The following P3H4 variants were observed in gnomAD, a reference collection of about 807,000 sequenced individuals.
P3H4 encodes the protein endoplasmic reticulum protein SC65.
In P3H4, 47 loss-of-function variants were observed where a neutral mutation model predicts 52.9. The ratio of observed to expected loss-of-function variants is 0.89; its 90% CI spans 0.70 to 1.13. P3H4 has a LOEUF of 1.13. Ranked by LOEUF, P3H4 falls within the 50% of genes most tolerant of loss-of-function variation. The pLI, the probability that P3H4 is intolerant of heterozygous loss-of-function variation, is 0.00. For missense variants in P3H4, 585 were observed against 611.0 expected (o/e 0.96, Z 0.45); for synonymous variants, 256 against 267.9 (o/e 0.96, Z 0.44).
At chr17:41,806,732 G>GC in intron 6 of P3H4, 64 bp downstream of exon 6, 1 of 1,366,838 alleles carries the variant, frequency 7.3e-7, no homozygotes, top group Non-Finnish European at 1.0e-6. Context: ...CACACTGGTG[G>GC]CCCCAGGAAA....
Position 41,810,869 on chromosome 17 carries a change from T to C in P3H4, c.781A>G (p.Ile261Val). ...QVDFKDFYPA[I>V]ADLFAESLQC... ...TGGTCTGGGTGGCAGATACCTGCTA[T>C]GGCCGGGTAGAAGTCCTTGAAGTCC... The change falls in exon 3 of 8, where the codon ATA (isoleucine) becomes GTA (valine). Residue 261 changes from isoleucine to valine, a missense_variant. Transcript: ENST00000393928. 6.2e-7 allele frequency: 1 copy of C among 1,613,108 alleles called. No homozygotes were observed.
chr17:41,804,374 CCAG>C (rs1414299423), intron 6 of P3H4, among the ~76,000 whole-genome samples: 1 of 152,074 alleles, frequency 6.6e-6, no homozygotes, highest in African/African-American at 2.4e-5. Flanking sequence ...ACCTGTAATC[CCAG>C]CACTTTGGGA....
At position 41,811,016 on chromosome 17, in the gene P3H4, C is replaced by G. The variant is rs149794758; in HGVS notation, c.634G>C (p.Val212Leu). The G allele has an allele frequency of 2.5e-6, 4 of 1,613,888 alleles. No homozygotes were observed. The Admixed American group carries it at 6.7e-5, about 27-fold the overall frequency. ...QPYEAVFLRA[V>L]KLYNSGDFRS... The stretch of plus-strand genomic sequence containing the variant: ...AAATCCCCGCTGTTGTAGAGCTTCA[C>G]AGCCCGGAGGAACACGGCCTGGAAG... The change falls in exon 3 of 8, where the codon GTG becomes CTG. Residue 212 changes from valine to leucine, a missense_variant. Physicochemically the swap from Val to Leu is conservative, Grantham distance 32. Transcript: ENST00000393928. The surrounding 1 kb of genome is among the most constrained non-coding windows in gnomAD (Gnocchi z 4.8).
In P3H4 at chr17:41,811,729, G is replaced by A; in HGVS notation, c.187C>T (p.Leu63=). The A allele has an allele frequency of 1.3e-6, 2 of 1,510,596 alleles. No homozygotes were observed. Among genetic ancestry groups the A allele is most frequent in the Non-Finnish European group, 1.8e-6 (2 of 1,141,434 alleles). 93.6% of individuals were successfully genotyped at this position (1,510,596 alleles called of 1,614,324 possible). A position where few individuals can be genotyped will look rare whatever the true frequency, so the allele number is the denominator to read the frequency against. ...RESARYLEAA[L]RLHRLLRDSE... ...TCGCGCAGGAGCCGGTGCAGCCGCA[G>A]CGCCGCCTCCAGGTAGCGCGCGCTC... The change falls in exon 1 of 8, where the codon CTG becomes TTG. Residue 63 remains leucine, a synonymous_variant. Transcript: ENST00000393928. The surrounding 1 kb of genome is among the most constrained non-coding windows in gnomAD (Gnocchi z 4.8).
intron 6 of P3H4, among the ~76,000 whole-genome samples, chr17:41,803,660 A>T (rs1252728738): frequency 1.3e-5 from 2 of 152,076 alleles, no homozygotes; most frequent in Non-Finnish European, 2.9e-5. Flanking sequence ...CAGCATAAAC[A>T]TCGCCCCTGC....
In P3H4 at chr17:41,807,897, G is replaced by A. The variant is rs561408227; in HGVS notation, c.1024C>T (p.Arg342Cys). ...AAGTCCTCCTCTTCCAGGCCCCAGCGAGCCCGGTGGAACCGGTAATACACC... is the reference window on the plus strand; with the variant it reads ...AAGTCCTCCTCTTCCAGGCCCCAGCAAGCCCGGTGGAACCGGTAATACACC... ...NLVYYRFHRA[R>C]WGLEEEDFQP... The change falls in exon 5 of 8, where the codon CGC (arginine) becomes TGC (cysteine). Residue 342 changes from arginine (R) to cysteine (C), a missense_variant. Physicochemically the swap from Arg to Cys is radical, Grantham distance 180 (BLOSUM62 -3). Transcript: ENST00000393928. The A allele has an allele frequency of 2.5e-6, 4 of 1,614,020 alleles. No homozygotes were observed. Among genetic ancestry groups the A allele is most frequent in the East Asian group, 4.5e-5 (2 of 44,874 alleles).
intron 4 of P3H4, 94 bp from the exon 5 acceptor site, chr17:41,808,098 C>T (rs2047693522): frequency 2.0e-6 from 3 of 1,478,126 alleles, no homozygotes; most frequent in Non-Finnish European, 2.7e-6. Context: ...GCTACCCAGC[C>T]ACCTCCCAGA....
At chr17:41,808,096 G>T in intron 4 of P3H4, 92 bp from the exon 5 acceptor site, 1 of 1,478,824 alleles carries the variant, frequency 6.8e-7, no homozygotes, top group East Asian at 2.4e-5. Flanking sequence ...CTGCTACCCA[G>T]CCACCTCCCA....
intron 6 of P3H4, among the ~76,000 whole-genome samples, chr17:41,805,880 C>A (rs188161022): frequency 3.6e-4 from 55 of 152,200 alleles, no homozygotes; most frequent in Middle Eastern, 3.4e-3. Context: ...GAGCACTGAG[C>A]AGCAACACCT....
At chr17:41,805,987 G>A (rs1567848027) in intron 6 of P3H4, among the ~76,000 whole-genome samples, 1 of 152,266 alleles carries the variant, frequency 6.6e-6, no homozygotes, top group South Asian at 2.1e-4. Flanking sequence ...TTGGGAGACC[G>A]AGGCAGATAG....
At position 41,806,772 on chromosome 17, in the gene P3H4, T is replaced by A. The variant is rs183607101; in HGVS notation, c.1146+24A>T. 31 of 1,604,282 alleles carry A rather than the reference T, an allele frequency of 1.9e-5. No homozygotes were observed. In the East Asian group the frequency reaches 5.8e-4, roughly 30 times the overall value. ...CCAAGGTGTCCCCATCACAGCCCAA[T>A]CCTGGAAAGCAGGAGGCACTCACCT... On this transcript the variant is annotated intron_variant, in intron 6 of 7. Transcript: ENST00000393928.
intron 4 of P3H4, among the ~76,000 whole-genome samples, chr17:41,809,342 G>A (rs928684491): frequency 1.2e-4 from 19 of 152,290 alleles, no homozygotes; most frequent in Non-Finnish European, 2.2e-4. Context: ...CTTGAATCCG[G>A]GAGGCAGCGG....
At position 41,802,848 on chromosome 17, in the gene P3H4, G is replaced by T; in HGVS notation, c.*109C>A. The stretch of plus-strand genomic sequence containing the variant: ...ATTACAGGTGTGAGCCACCGCACCT[G>T]GCCCATCTTAAGTTTTTAATAAATA... On this transcript the variant is annotated 3_prime_UTR_variant, in exon 8 of 8. Transcript: ENST00000393928. 1.7e-6 allele frequency: 2 copies of T among 1,183,120 alleles called. No individual in the cohort carries two copies. Among genetic ancestry groups the T allele is most frequent in the Non-Finnish European group, 2.5e-6 (2 of 809,596 alleles). The allele number at this position is 1,183,120 out of a possible 1,614,324, so 73.3% of individuals were successfully genotyped here.
In P3H4 at chr17:41,811,308, G is replaced by T. The variant is rs369577903; in HGVS notation, c.463-24C>A. ...GCCTGGTCGGGGGGTAGGGGGTGGG[G>T]GAGCGGGTCAGCAAGACCGGAGCTC... On this transcript the variant is annotated intron_variant, in intron 1 of 7. Coordinates refer to ENST00000393928, the MANE Select transcript of P3H4 (RefSeq NM_006455.3). The surrounding 1 kb of genome is among the most constrained non-coding windows in gnomAD (Gnocchi z 4.8). The T allele has an allele frequency of 1.7e-5, 27 of 1,611,214 alleles. No homozygotes were observed. The highest frequency in any genetic ancestry group is 2.0e-5 in the Non-Finnish European group (24 of 1,179,732).
Position 41,803,415 on chromosome 17 carries a change from G to A in P3H4, c.1163C>T (p.Thr388Ile). The change falls in exon 7 of 8, where the codon ACA becomes ATA. Residue 388 changes from threonine to isoleucine, a missense_variant. Coordinates refer to ENST00000393928, the MANE Select transcript of P3H4 (RefSeq NM_006455.3). ...QSDDEMELEE[T>I]EPPLEPEDAL... ...ATCCTCAGGCTCCAGGGGCGGTTCT[G>A]TCTCCTCCAGCTCCATCTAGAGTAG... 2 of 1,613,790 alleles carry A rather than the reference G, an allele frequency of 1.2e-6. No individual in the cohort carries two copies. Among genetic ancestry groups the A allele is most frequent in the Non-Finnish European group, 8.5e-7 (1 of 1,179,870 alleles).
At position 41,803,451 on chromosome 17, in the gene P3H4, G is replaced by A; in HGVS notation, c.1147-20C>T. On this transcript the variant is annotated intron_variant, in intron 6 of 7. Coordinates refer to ENST00000393928, the MANE Select transcript of P3H4 (RefSeq NM_006455.3). ...CTCCATCTAGAGTAGCGCCACGGTT[G>A]TGGGAGAAACCGGGTCACAGTACGC... 1.9e-6 allele frequency: 3 copies of A among 1,611,958 alleles called. No individual in the cohort carries two copies. Among genetic ancestry groups the A allele is most frequent in the Non-Finnish European group, 1.7e-6 (2 of 1,178,850 alleles).
intron 3 of P3H4, among the ~76,000 whole-genome samples, chr17:41,810,062 C>T (rs1485699130): frequency 6.6e-6 from 1 of 151,954 alleles, no homozygotes; most frequent in African/African-American, 2.4e-5. Flanking sequence ...ACCACCCCTG[C>T]CACTCAACCA....
rs782780294 is a variant in P3H4, at chr17:41,811,631, G to A, written c.285C>T (p.Arg95=). ...PAAKPDPDGG[R]ADEWACELRL... is the part of the protein sequence containing the mutation. ...GCAGCTCGCAGGCCCACTCGTCTGCGCGGCCGCCGTCGGGATCGGGCTTGG... is the reference window on the plus strand; with the variant it reads ...GCAGCTCGCAGGCCCACTCGTCTGCACGGCCGCCGTCGGGATCGGGCTTGG... The change falls in exon 1 of 8, where the codon CGC becomes CGT. Residue 95 remains arginine, a synonymous_variant. Transcript: ENST00000393928. The surrounding 1 kb of genome is among the most constrained non-coding windows in gnomAD (Gnocchi z 4.8). 2 of 1,466,324 alleles carry A rather than the reference G, an allele frequency of 1.4e-6. No homozygotes were observed. Among genetic ancestry groups the A allele is most frequent in the African/African-American group, 1.5e-5 (1 of 67,670 alleles). 90.8% of individuals were successfully genotyped at this position (1,466,324 alleles called of 1,614,324 possible).
chr17:41,806,861 TG>T lies in P3H4; in HGVS notation c.1080del (p.His360GlnfsTer123). ...AGCTCCCGCAGCTCGGCGGTCTGGT[TG>T]TGGTAGAGCATGGCCTCCTGGAAGG... ...FQPREEAMLY[H>X]NQTAELRELL... is the part of the protein sequence containing the mutation. On this transcript the variant is annotated frameshift_variant, in exon 6 of 8. Coordinates refer to ENST00000393928, the MANE Select transcript of P3H4 (RefSeq NM_006455.3). LOFTEE classifies it high-confidence loss of function. 6.2e-7 allele frequency: 1 copy of T among 1,613,664 alleles called. No individual in the cohort carries two copies. Among genetic ancestry groups the T allele is most frequent in the Non-Finnish European group, 8.5e-7 (1 of 1,179,920 alleles).
Sources: gnomAD v4.1 joint callset for allele counts (sites outside exome capture counted in the v4.1 genomes callset) on GRCh38, gnomAD v4.1.1 for gene constraint, Gnocchi (gnomAD v3.1) non-coding constraint, MANE v1.5 for transcripts, NCBI Gene and HGNC (gene_info 2026-07-23, HGNC 2026-07-21) for gene names.